TBX15: variants seen among roughly 807,000 people sequenced by gnomAD.
The protein encoded by TBX15 is T-box transcription factor TBX15.
In TBX15, 18 loss-of-function variants were observed where a neutral mutation model predicts 53.9. That is an observed-to-expected ratio of 0.33 (90% CI 0.23 to 0.49). The LOEUF (loss-of-function observed/expected upper bound fraction) is 0.49. Among genes scored for constraint, TBX15 ranks in the 20% least tolerant of loss-of-function variants. The pLI, the probability that TBX15 is intolerant of heterozygous loss-of-function variation, is 0.98. For missense variants in TBX15, 692 were observed against 749.5 expected, an observed-to-expected ratio of 0.92 and a Z score of 0.90; for synonymous variants, 295 against 278.0, an observed-to-expected ratio of 1.06 and a Z score of -0.61.
chr1:118,956,341 C>T (rs1252915410), intron 1 of TBX15, among the ~76,000 whole-genome samples: 2 of 151,974 alleles, frequency 1.3e-5, no homozygotes, highest in Non-Finnish European at 2.9e-5. Context: ...GGTTAAATAA[C>T]AGATCGTATC....
chr1:118,924,695 C>T lies in TBX15; in HGVS notation c.644G>A (p.Ser215Asn), dbSNP rs768602481. The change falls in exon 4 of 8, where the codon AGT becomes AAT. Residue 215 changes from serine (S) to asparagine (N), a missense_variant. By Grantham distance (46) the Ser-to-Asn change is conservative. Transcript: ENST00000369429. ...GTTGGTAAGCTTGAGTTTGTCAAAACTGACCACCTGTCTCATCCAGGTGTC... is the reference window on the plus strand; with the variant it reads ...GTTGGTAAGCTTGAGTTTGTCAAAATTGACCACCTGTCTCATCCAGGTGTC... ...SGDTWMRQVVSFDKLKLTNNE... is the reference protein window; with the variant it reads ...SGDTWMRQVVNFDKLKLTNNE... 2.5e-6 allele frequency: 4 copies of T among 1,614,066 alleles called. No individual in the cohort carries two copies. Among genetic ancestry groups the T allele is most frequent in the Non-Finnish European group, 2.5e-6 (3 of 1,179,968 alleles).
At chr1:118,897,424 T>C (rs1199840764) in intron 7 of TBX15, among the ~76,000 whole-genome samples, 1 of 152,186 alleles carries the variant, frequency 6.6e-6, no homozygotes, top group Non-Finnish European at 1.5e-5. Context: ...GCAATATCCC[T>C]GCCAACCTTC....
intron 5 of TBX15, among the ~76,000 whole-genome samples, chr1:118,918,467 A>C (rs1020150912): frequency 1.3e-5 from 2 of 152,138 alleles, no homozygotes; most frequent in African/African-American, 4.8e-5. Flanking sequence ...CTTTCACTGG[A>C]GGCATTAGAG....
At chr1:118,937,130 G>A (rs1557891559) in intron 1 of TBX15, among the ~76,000 whole-genome samples, 1 of 152,122 alleles carries the variant, frequency 6.6e-6, no homozygotes, top group Admixed American at 6.6e-5. Context: ...ATAGAAGTTT[G>A]AAACCAACAA....
intron 1 of TBX15, among the ~76,000 whole-genome samples, chr1:118,959,534 C>A (rs1363400547): frequency 1.3e-5 from 2 of 152,186 alleles, no homozygotes; most frequent in Non-Finnish European, 2.9e-5. Flanking sequence ...CTGAACTGAG[C>A]CTTCCCTGGA....
At chr1:118,899,984 T>C (rs184385729) in intron 6 of TBX15, among the ~76,000 whole-genome samples, 1 of 152,236 alleles carries the variant, frequency 6.6e-6, no homozygotes, top group Non-Finnish European at 1.5e-5. Flanking sequence ...AGTGCTGATA[T>C]ACATCATTTT....
chr1:118,916,782 C>T (rs1273252665), intron 5 of TBX15, among the ~76,000 whole-genome samples: 1 of 152,036 alleles, frequency 6.6e-6, no homozygotes, highest in Non-Finnish European at 1.5e-5. Context: ...GAGAGAATTG[C>T]TTGAACCCAG....
chr1:118,930,273 G>A (rs549439897), intron 2 of TBX15, among the ~76,000 whole-genome samples: 41 of 152,206 alleles, frequency 2.7e-4, no homozygotes, highest in African/African-American at 8.2e-4. Context: ...AGTAAGATGC[G>A]ATTTTTGTTC....
intron 6 of TBX15, among the ~76,000 whole-genome samples, chr1:118,908,998 T>C (rs1453768116): frequency 2.0e-5 from 3 of 152,120 alleles, no homozygotes; most frequent in Admixed American, 2.0e-4. Context: ...TACTTGGTAA[T>C]GGAAAGTAGC....
intron 6 of TBX15, among the ~76,000 whole-genome samples, chr1:118,908,393 A>G (rs964604312): frequency 7.2e-5 from 11 of 151,968 alleles, no homozygotes; most frequent in Non-Finnish European, 1.5e-4. Context: ...AAAAAAAAAA[A>G]AATCTCAAGC....
At chr1:118,987,535 G>A (rs899761292) in intron 1 of TBX15, 56 bp downstream of exon 1, 2 of 1,514,248 alleles carry the variant, frequency 1.3e-6, no homozygotes, top group Admixed American at 4.2e-5. Flanking sequence ...ACCGGCGACT[G>A]GCCCTTCGGC....
intron 1 of TBX15, among the ~76,000 whole-genome samples, chr1:118,950,963 C>T (rs1158083305): frequency 6.6e-6 from 1 of 152,216 alleles, no homozygotes; most frequent in African/African-American, 2.4e-5. Flanking sequence ...TCCGAAAAGA[C>T]ACTGGCATCT....
At chr1:118,921,445 G>GA (rs1175128610) in intron 5 of TBX15, among the ~76,000 whole-genome samples, 1 of 152,074 alleles carries the variant, frequency 6.6e-6, no homozygotes, top group Non-Finnish European at 1.5e-5. Flanking sequence ...AAATCATGCA[G>GA]AAAAAAAGAA....
chr1:118,946,775 GT>G (rs1656359781), intron 1 of TBX15, among the ~76,000 whole-genome samples: 1 of 152,074 alleles, frequency 6.6e-6, no homozygotes, highest in South Asian at 2.1e-4. Flanking sequence ...ATATATATAA[GT>G]TGGATAAATT....
chr1:118,954,983 GC>G (rs1656633763), intron 1 of TBX15, among the ~76,000 whole-genome samples: 1 of 152,136 alleles, frequency 6.6e-6, no homozygotes. Context: ...GCTTCATCAG[GC>G]CCAAGAGTGA....
chr1:118,962,005 A>G (rs1656893663), intron 1 of TBX15, among the ~76,000 whole-genome samples: 1 of 152,232 alleles, frequency 6.6e-6, no homozygotes, highest in South Asian at 2.1e-4. Flanking sequence ...GTCAACTTCT[A>G]CTTTTCCAGA....
intron 6 of TBX15, among the ~76,000 whole-genome samples, chr1:118,903,981 G>T (rs1226713098): frequency 6.6e-6 from 1 of 152,138 alleles, no homozygotes; most frequent in Admixed American, 6.5e-5. Context: ...AGAGTAATCA[G>T]CAGTTTTCCA....
intron 1 of TBX15, among the ~76,000 whole-genome samples, chr1:118,947,589 C>A (rs373194580): frequency 1.1e-4 from 17 of 152,042 alleles, no homozygotes; most frequent in East Asian, 7.7e-4. Flanking sequence ...GAGGCACCAG[C>A]AAAATAAAAC....
intron 6 of TBX15, among the ~76,000 whole-genome samples, chr1:118,902,936 G>A (rs1042442979): frequency 6.6e-6 from 1 of 152,096 alleles, no homozygotes; most frequent in Non-Finnish European, 1.5e-5. Context: ...TGTCTAACGG[G>A]TGAAAAAAGC....
Sources: allele counts gnomAD v4.1 joint callset (sites outside exome capture counted in the v4.1 genomes callset), GRCh38; gene constraint gnomAD v4.1.1; transcripts MANE v1.5; gene names NCBI Gene and HGNC (gene_info 2026-07-23, HGNC 2026-07-21).